Variants in PAK4 observed in about 807,000 individuals in gnomAD.
PAK4 encodes the protein serine/threonine-protein kinase PAK 4.
In PAK4, 49 loss-of-function variants were observed where a neutral mutation model predicts 53.5. The ratio of observed to expected loss-of-function variants is 0.92; its 90% confidence interval spans 0.73 to 1.16. The LOEUF is 1.16. PAK4 is among the 50% of genes most tolerant of loss of function. PAK4 has a pLI of 0.00. For synonymous variants in PAK4, 376 were observed against 375.6 expected (o/e 1.00, Z -0.01); for missense variants, 824 against 850.7 (o/e 0.97, Z 0.39).
intron 1 of PAK4, among the ~76,000 whole-genome samples, chr19:39,134,450 A>G (rs2073772951): frequency 6.6e-6 from 1 of 152,058 alleles, no homozygotes; most frequent in African/African-American, 2.4e-5. Context: ...GCATCCTTGA[A>G]TTACAGAATG....
In PAK4 at chr19:39,173,034, G is replaced by A. The variant is rs897440647; in HGVS notation, c.321G>A (p.Pro107=). 65 of 1,548,752 alleles carry A rather than the reference G, an allele frequency of 4.2e-5. No individual in the cohort carries two copies. The highest frequency in any genetic ancestry group is 9.8e-5 in the Admixed American group (5 of 50,968). ...CCCTGCGGAGAGACAGCCCGCCGCC[G>A]CCCGCCCGTGCCCGCCAGGAAAATG... The change falls in exon 3 of 9, where the codon CCG becomes CCA. Residue 107 remains proline, a synonymous_variant. Coordinates refer to ENST00000358301, the Ensembl canonical transcript of PAK4. This position sits in a 1 kb window ranked among gnomAD's most constrained non-coding sequence, Gnocchi z 6.9.
At chr19:39,146,836 T>G (rs1034322437) in intron 1 of PAK4, among the ~76,000 whole-genome samples, 7 of 145,308 alleles carry the variant, frequency 4.8e-5, no homozygotes, top group African/African-American at 1.8e-4. Context: ...AAGGCTCTGT[T>G]GCAAAAGAAA....
intron 1 of PAK4, among the ~76,000 whole-genome samples, chr19:39,166,134 G>A (rs2074371827): frequency 1.3e-5 from 2 of 152,324 alleles, no homozygotes; most frequent in South Asian, 4.1e-4. Flanking sequence ...CAGGCCCTCC[G>A]TGCCCTCTGT....
intron 1 of PAK4, among the ~76,000 whole-genome samples, chr19:39,154,864 C>T (rs1193948541): frequency 6.6e-6 from 1 of 151,362 alleles, no homozygotes; most frequent in East Asian, 2.0e-4. Context: ...GGCCCCTAGA[C>T]CTGCCCTGCT....
At chr19:39,145,922 G>T (rs749650329) in intron 1 of PAK4, among the ~76,000 whole-genome samples, 25 of 151,930 alleles carry the variant, frequency 1.6e-4, no homozygotes, top group Non-Finnish European at 3.2e-4. Flanking sequence ...ACCCAGCTCC[G>T]CCACCTTCTA....
intron 1 of PAK4, among the ~76,000 whole-genome samples, chr19:39,164,380 C>T (rs892424426): frequency 1.3e-5 from 2 of 151,476 alleles, no homozygotes; most frequent in African/African-American, 2.4e-5. Context: ...GTGTAGAGGG[C>T]GACAGGACAG....
downstream of PAK4, chr19:39,181,156 C>T (rs180791961): frequency 6.8e-4 from 104 of 152,518 alleles, no homozygotes; most frequent in African/African-American, 2.5e-3. Flanking sequence ...GTTGCCTAGG[C>T]TGGTTTCGAA....
At chr19:39,169,000 G>A (rs1220595362) in intron 1 of PAK4, among the ~76,000 whole-genome samples, 3 of 152,182 alleles carry the variant, frequency 2.0e-5, no homozygotes, top group Non-Finnish European at 4.4e-5. Flanking sequence ...ACACTCTAGC[G>A]GTGCGGTGTG....
In PAK4 at chr19:39,173,121, C is replaced by T. The variant is rs1024319400; in HGVS notation, c.408C>T (p.Gly136=). The T allele has an allele frequency of 6.5e-6, 10 of 1,547,020 alleles. No individual in the cohort carries two copies. The highest frequency in any genetic ancestry group is 3.9e-5 in the Admixed American group (2 of 50,854). ...GCCCAGGGAAGGCAGGCAGCCGAGG[C>T]CGGTTCGCCGGTCACAGCGAGGCGG... Residue 136 remains glycine, a synonymous_variant, in exon 3 of 9, where the codon GGC becomes GGT. Transcript: ENST00000358301. This position sits in a 1 kb window ranked among gnomAD's most constrained non-coding sequence, Gnocchi z 6.9.
At chr19:39,169,594 C>T (rs751802953) in exon 2 of PAK4, 10 of 1,612,096 alleles carry the variant, frequency 6.2e-6, no homozygotes, top group East Asian at 2.2e-5. Flanking sequence ...ATCTCCGCGC[C>T]GTCCAACTTC....
At chr19:39,146,863 G>C (rs1467030714) in intron 1 of PAK4, among the ~76,000 whole-genome samples, 1 of 151,234 alleles carries the variant, frequency 6.6e-6, no homozygotes, top group Non-Finnish European at 1.5e-5. Context: ...AAGAGAGAGA[G>C]GGAGAAAGGG....
chr19:39,160,704 C>G lies in PAK4; in HGVS notation c.-22-8828C>G, dbSNP rs146132562. On this transcript the variant is annotated intron_variant, in intron 1 of 8. Transcript: ENST00000358301. ...AGGTTTGCGAGGTTGGCAGGGCCCT[C>G]CCAGTCAGGGCCGTGTTGAATCAGT... is the stretch of plus-strand genomic sequence containing the variant. Among the ~76,000 whole-genome samples, 304 of 152,296 alleles carry G rather than the reference C, an allele frequency of 2.0e-3. 1 individual carries two copies. Among genetic ancestry groups the G allele is most frequent in the African/African-American group, 6.8e-3 (281 of 41,552 alleles).
intron 1 of PAK4, among the ~76,000 whole-genome samples, chr19:39,134,280 T>A (rs2073769504): frequency 6.6e-6 from 1 of 152,218 alleles, no homozygotes; most frequent in Non-Finnish European, 1.5e-5. Flanking sequence ...AATTACAAAG[T>A]GAACAACGCT....
At position 39,178,963 on chromosome 19, in the gene PAK4, T is replaced by TGC. The variant is rs1477399926; in HGVS notation, c.*385_*386insCG. The TGC allele has an allele frequency of 1.2e-5, 2 of 165,016 alleles. No individual in the cohort carries two copies. Among genetic ancestry groups the TGC allele is most frequent in the African/African-American group, 4.8e-5 (2 of 41,678 alleles). The allele number at this position is 165,016 out of a possible 1,614,324, so 10.2% of individuals were successfully genotyped here. On this transcript the variant is annotated 3_prime_UTR_variant, in exon 9 of 9. Coordinates refer to ENST00000358301, the Ensembl canonical transcript of PAK4. This position sits in a 1 kb window ranked among gnomAD's most constrained non-coding sequence, Gnocchi z 4.4. ...GTGTGCACGCGTGTGAGTGTGCATG[T>TGC]GTGTGTGTGCAAAGGTCCAGCCACC...
intron 1 of PAK4, among the ~76,000 whole-genome samples, chr19:39,151,517 CAGTG>C (rs2074093915): frequency 6.6e-6 from 1 of 152,240 alleles, no homozygotes; most frequent in Non-Finnish European, 1.5e-5. Flanking sequence ...CAGCTGCACA[CAGTG>C]AGTGTTGCCG....
chr19:39,139,703 A>G (rs1600320085), intron 1 of PAK4, among the ~76,000 whole-genome samples: 1 of 151,620 alleles, frequency 6.6e-6, no homozygotes, highest in African/African-American at 2.4e-5. Flanking sequence ...CCTCCTGCCC[A>G]CTCCCCAATC....
intron 1 of PAK4, among the ~76,000 whole-genome samples, chr19:39,148,855 C>T (rs2074049651): frequency 1.3e-5 from 2 of 151,768 alleles, no homozygotes; most frequent in African/African-American, 4.8e-5. Flanking sequence ...GATTAAACTT[C>T]TTTTTTTCCC....
At chr19:39,160,806 C>T (rs1038983097) in intron 1 of PAK4, among the ~76,000 whole-genome samples, 5 of 152,246 alleles carry the variant, frequency 3.3e-5, no homozygotes, top group Non-Finnish European at 5.9e-5. Context: ...CTTCTAACCA[C>T]GGTGGCTTTT....
intron 1 of PAK4, among the ~76,000 whole-genome samples, chr19:39,140,049 C>G (rs745729413): frequency 6.6e-6 from 1 of 152,124 alleles, no homozygotes; most frequent in East Asian, 1.9e-4. Context: ...TCGAGCTTGG[C>G]GATGGCAGTC....
Sources: gnomAD v4.1 joint callset for allele counts (sites outside exome capture counted in the v4.1 genomes callset) on GRCh38, gnomAD v4.1.1 for gene constraint, Gnocchi (gnomAD v3.1) non-coding constraint, MANE v1.5 for transcripts, NCBI Gene and HGNC (gene_info 2026-07-23, HGNC 2026-07-21) for gene names.